The following STAB2 variants were observed in gnomAD, a reference collection of about 807,000 sequenced individuals.
STAB2 encodes the protein stabilin 2.
Under a neutral mutation model 338.1 loss-of-function variants are expected in STAB2, and 288 were observed. The observed-to-expected ratio is 0.85, with a 90% CI of 0.77 to 0.94. STAB2 has a LOEUF of 0.94. Ranked by LOEUF, STAB2 falls within the 40% of genes least tolerant of loss-of-function variation. The probability of loss-of-function intolerance (pLI) is 0.00; values close to 1 mark genes in which losing one functional copy is unlikely to be tolerated. For synonymous variants in STAB2, 1,202 were observed against 1,193.3 expected (o/e 1.01, Z -0.15); for missense variants, 3,141 against 3,210.1 (o/e 0.98, Z 0.52).
chr12:103,669,656 G>A (rs1259816008), intron 21 of STAB2, 29 bp downstream of exon 21: 1 of 1,591,292 alleles, frequency 6.3e-7, no homozygotes, highest in East Asian at 2.2e-5. Flanking sequence ...CCTTCCATAA[G>A]TCAAATCAAA....
intron 12 of STAB2, among the ~76,000 whole-genome samples, chr12:103,653,604 C>CTGGATGGATGGAGGGA (rs1873911094): frequency 8.1e-6 from 1 of 123,544 alleles, no homozygotes; most frequent in Middle Eastern, 3.9e-3. Context: ...GGATAGGTCA[C>CTGGATGGATGGAGGGA]TGGATGGATG....
chr12:103,737,584 C>T, intron 52 of STAB2, 50 bp from the exon 53 acceptor site: 1 of 1,333,818 alleles, frequency 7.5e-7, no homozygotes, highest in Non-Finnish European at 1.0e-6. Flanking sequence ...TTCTCTCTCT[C>T]TCTCTCTCTC....
At chr12:103,745,412 T>C (rs922656610) in intron 57 of STAB2, 135 bp downstream of exon 57, 17 of 751,770 alleles carry the variant, frequency 2.3e-5, no homozygotes, top group Non-Finnish European at 3.3e-5. Flanking sequence ...AAAAGATAAT[T>C]CAGATCTGTA....
rs114218445 is a variant in STAB2, at chr12:103,620,676, G to A, written c.417+123G>A. 1,730 of 866,962 alleles carry A rather than the reference G, an allele frequency of 2.0e-3. 23 individuals carry two copies. The African/African-American group carries it at 0.027, about 13-fold the overall frequency. The allele number at this position is 866,962 out of a possible 1,614,324, so 53.7% of individuals were successfully genotyped here. A position where few individuals can be genotyped will look rare whatever the true frequency, so the allele number is the denominator to read the frequency against. ...ACACGTGCACACACACATATACAGC[G>A]AAGTTCTTAAGCAGTGAAGGTATTA... is the stretch of plus-strand genomic sequence containing the variant. On this transcript the variant is annotated intron_variant, in intron 4 of 68. Coordinates refer to ENST00000388887, the MANE Select transcript of STAB2 (RefSeq NM_017564.10).
intron 3 of STAB2, among the ~76,000 whole-genome samples, chr12:103,607,356 C>T (rs1344507513): frequency 6.6e-6 from 1 of 150,578 alleles, no homozygotes; most frequent in Non-Finnish European, 1.5e-5. Context: ...TTTTTCTCTC[C>T]ATGCTTCATT....
At chr12:103,764,004 G>A (rs1287104938) in intron 68 of STAB2, among the ~76,000 whole-genome samples, 1 of 149,164 alleles carries the variant, frequency 6.7e-6, no homozygotes, top group African/African-American at 2.5e-5. Flanking sequence ...TTTTTTCTTT[G>A]AGATGGAGTC....
intron 3 of STAB2, among the ~76,000 whole-genome samples, chr12:103,612,167 A>T (rs1957134763): frequency 6.6e-6 from 1 of 152,020 alleles, no homozygotes; most frequent in South Asian, 2.1e-4. Flanking sequence ...TGTGTCTTGG[A>T]GTTGCTCTTC....
intron 12 of STAB2, among the ~76,000 whole-genome samples, chr12:103,653,749 T>TGGATGGATGGATGGAC (rs1166743030): frequency 6.7e-6 from 1 of 148,390 alleles, no homozygotes. Context: ...GATGGATGAA[T>TGGATGGATGGATGGAC]GGATGGATGG....
chr12:103,657,762 A>C (rs1874302785), intron 15 of STAB2: 1 of 152,214 alleles, frequency 6.6e-6, no homozygotes, highest in South Asian at 2.1e-4. Flanking sequence ...TGAGAAGTAC[A>C]ATCATTTCTG....
rs146128424 is a variant in STAB2 at position 103,658,725 on chromosome 12, G to A, written c.1735-1606G>A. Among the ~76,000 whole-genome samples the A allele has an allele frequency of 3.9e-4, 60 of 152,166 alleles. No individual in the cohort carries two copies. In the East Asian group the frequency reaches 9.7e-3, roughly 25 times the overall value. ...TGCTCCTCCCAGGACCCCTACCCAT[G>A]CCCTTTAATTTACTGGCACAAATGT... On this transcript the variant is annotated intron_variant, in intron 15 of 68. Coordinates refer to ENST00000388887, the MANE Select transcript of STAB2 (RefSeq NM_017564.10).
chr12:103,595,538 T>C (rs1393852124), intron 3 of STAB2, among the ~76,000 whole-genome samples: 6 of 152,330 alleles, frequency 3.9e-5, no homozygotes, highest in Non-Finnish European at 8.8e-5. Flanking sequence ...GTATGTATAA[T>C]GTCTTTTGGG....
In STAB2 at chr12:103,631,649, C is replaced by T. The variant is rs748776950; in HGVS notation, c.539C>T (p.Thr180Ile). The change falls in exon 6 of 69, where the codon ACC (threonine) becomes ATC (isoleucine). Residue 180 changes from threonine (T) to isoleucine (I), a missense_variant. By Grantham distance (89) the Thr-to-Ile change is moderately conservative (BLOSUM62 -1). Transcript: ENST00000388887. ...AACAGTGGACTAGATGGCGATGGAA[C>T]CTGTGAGTGCTACTCTGCGTACACT... is the stretch of plus-strand genomic sequence containing the variant. ...VCNSGLDGDG[T>I]CECYSAYTGP... 1.9e-6 allele frequency: 3 copies of T among 1,614,178 alleles called. No individual in the cohort carries two copies. Among genetic ancestry groups the T allele is most frequent in the South Asian group, 1.1e-5 (1 of 91,078 alleles).
rs1593239228 is a variant in STAB2, at chr12:103,689,826, A to G, written c.3046-20A>G. 2.5e-6 allele frequency: 4 copies of G among 1,608,470 alleles called. No individual in the cohort carries two copies. Among genetic ancestry groups the G allele is most frequent in the Non-Finnish European group, 3.4e-6 (4 of 1,178,110 alleles). ...TCCCCTAACATAAGCAGGTCACTTT[A>G]TTTTCCTTCTGTGGTTCAGAATGCT... On this transcript the variant is annotated intron_variant, in intron 28 of 68. Transcript: ENST00000388887.
rs1418953086 is a variant in STAB2, at chr12:103,715,821, A to G, written c.4544A>G (p.Asn1515Ser). The change falls in exon 43 of 69, where the codon AAC becomes AGC. Residue 1515 changes from asparagine (N) to serine (S), a missense_variant. By Grantham distance (46) the Asn-to-Ser change is conservative. Coordinates refer to ENST00000388887, the MANE Select transcript of STAB2 (RefSeq NM_017564.10). Reference sequence around the variant, plus strand: ...TTGGCTTTTTGTTTTAAAGAAATCAACCCGTGTTTGGAGAACCATGGTGGC... The same window carrying G: ...TTGGCTTTTTGTTTTAAAGAAATCAGCCCGTGTTTGGAGAACCATGGTGGC... ...TGDGIVCLEI[N>S]PCLENHGGCD... 1 of 1,614,050 alleles carries G rather than the reference A, an allele frequency of 6.2e-7. No homozygotes were observed. The highest frequency in any genetic ancestry group is 8.5e-7 in the Non-Finnish European group (1 of 1,179,976).
At chr12:103,717,705 C>T (rs948954719) in intron 43 of STAB2, 65 bp from the exon 44 acceptor site, 4 of 1,450,826 alleles carry the variant, frequency 2.8e-6, no homozygotes, top group Non-Finnish European at 3.9e-6. Flanking sequence ...GTCTGAGAGC[C>T]AGACCATGCG....
chr12:103,750,726 T>C lies in STAB2; in HGVS notation c.6580+6T>C, dbSNP rs1883561320. 1.2e-6 allele frequency: 2 copies of C among 1,611,600 alleles called. No individual in the cohort carries two copies. The highest frequency in any genetic ancestry group is 1.7e-5 in the Admixed American group (1 of 59,878). On this transcript the variant is annotated splice_donor_region_variant and intron_variant, in intron 60 of 68. Coordinates refer to ENST00000388887, the MANE Select transcript of STAB2 (RefSeq NM_017564.10). ...TGTCGACCTCCACTTCCAGGGTTAGTGTGACCAGGGCCTATGGCCCAAAGC... is the reference window on the plus strand; with the variant it reads ...TGTCGACCTCCACTTCCAGGGTTAGCGTGACCAGGGCCTATGGCCCAAAGC...
intron 5 of STAB2, 23 bp downstream of exon 5, chr12:103,622,134 C>A (rs1432492842): frequency 1.2e-6 from 2 of 1,613,298 alleles, no homozygotes; most frequent in South Asian, 2.2e-5. Context: ...TTTGTGTAAT[C>A]ACCACATTTG....
At chr12:103,660,209 G>T (rs1874491479) in intron 15 of STAB2, 122 bp from the exon 16 acceptor site, 1 of 1,049,094 alleles carries the variant, frequency 9.5e-7, no homozygotes, top group East Asian at 2.4e-5. Flanking sequence ...TCTCACCCTG[G>T]ATTTCCCAAT....
chr12:103,590,825 A>T lies in STAB2; in HGVS notation c.82-72A>T, dbSNP rs1956784964. ...GATTGGAGACATTCCAGTGGAGAAGATTGGCCATGCTAGATGTTTTGCAAG... is the reference window on the plus strand; with the variant it reads ...GATTGGAGACATTCCAGTGGAGAAGTTTGGCCATGCTAGATGTTTTGCAAG... On this transcript the variant is annotated intron_variant, in intron 1 of 68. Coordinates refer to ENST00000388887, the MANE Select transcript of STAB2 (RefSeq NM_017564.10). 1.9e-6 allele frequency: 3 copies of T among 1,577,582 alleles called. No individual in the cohort carries two copies. The Admixed American group carries it at 5.0e-5, about 26-fold the overall frequency.
Sources: gnomAD v4.1 joint callset for allele counts (sites outside exome capture counted in the v4.1 genomes callset) on GRCh38, gnomAD v4.1.1 for gene constraint, MANE v1.5 for transcripts, NCBI Gene and HGNC (gene_info 2026-07-23, HGNC 2026-07-21) for gene names.